KSR1: variants seen among roughly 807,000 people sequenced by gnomAD.
KSR1 encodes kinase suppressor of ras 1.
KSR1 carries 35 observed loss-of-function variants against 92.9 expected under a neutral mutation model. The observed-to-expected ratio is 0.38, with a 90% CI of 0.29 to 0.50. The LOEUF is 0.50. Among genes scored for constraint, KSR1 ranks in the 20% least tolerant of loss-of-function variants. The pLI is 0.94. For synonymous variants in KSR1, 467 were observed against 472.6 expected, an observed-to-expected ratio of 0.99 and a Z score of 0.15; for missense variants, 972 against 1,158.5, an observed-to-expected ratio of 0.84 and a Z score of 2.34.
chr17:27,483,087 T>C (rs946809596), intron 1 of KSR1, among the ~76,000 whole-genome samples: 12 of 152,218 alleles, frequency 7.9e-5, no homozygotes, highest in Admixed American at 2.6e-4. Context: ...TATCTGCTCA[T>C]GTGATGTGGT....
intron 15 of KSR1, 108 bp from the exon 16 acceptor site, chr17:27,609,088 T>C (rs1352634277): frequency 1.6e-6 from 2 of 1,281,074 alleles, no homozygotes; most frequent in Admixed American, 2.3e-5. Flanking sequence ...GACAATATAC[T>C]GCATGGAATT....
chr17:27,620,249 C>G (rs1160488440), intron 19 of KSR1, among the ~76,000 whole-genome samples: 2 of 152,176 alleles, frequency 1.3e-5, no homozygotes, highest in Non-Finnish European at 2.9e-5. Flanking sequence ...GGTAATGGAT[C>G]GTAGCCATAG....
intron 10 of KSR1, among the ~76,000 whole-genome samples, chr17:27,598,095 A>T (rs930057202): frequency 6.6e-6 from 1 of 152,196 alleles, no homozygotes; most frequent in Non-Finnish European, 1.5e-5. Context: ...TCCTGCCCTC[A>T]GCTGCTGGCC....
chr17:27,497,253 G>T (rs1051098647), intron 1 of KSR1, among the ~76,000 whole-genome samples: 3 of 152,206 alleles, frequency 2.0e-5, no homozygotes, highest in African/African-American at 7.2e-5. Context: ...TCCATACAGA[G>T]AAACAGAGGC....
intron 7 of KSR1, among the ~76,000 whole-genome samples, chr17:27,591,124 C>T (rs2073151600): frequency 2.0e-5 from 3 of 152,146 alleles, no homozygotes; most frequent in African/African-American, 7.2e-5. Context: ...GAATTCCAGG[C>T]CATGGGTGCA....
intron 1 of KSR1, among the ~76,000 whole-genome samples, chr17:27,539,470 C>T (rs1052781142): frequency 2.0e-5 from 3 of 152,198 alleles, no homozygotes; most frequent in Non-Finnish European, 2.9e-5. Flanking sequence ...TCCTAGCCCT[C>T]GGTCAGGTGT....
intron 1 of KSR1, among the ~76,000 whole-genome samples, chr17:27,487,731 C>T (rs2068710775): frequency 6.6e-6 from 1 of 152,064 alleles, no homozygotes; most frequent in African/African-American, 2.4e-5. Flanking sequence ...GGAGCATCTG[C>T]TTCACTTCTG....
chr17:27,592,672 T>A, intron 9 of KSR1, 46 bp downstream of exon 9: 1 of 1,514,464 alleles, frequency 6.6e-7, no homozygotes, highest in Non-Finnish European at 9.0e-7. Context: ...CCACTGGCCT[T>A]CCTTCCTATA....
chr17:27,612,532 C>T (rs1476356143), intron 18 of KSR1: 1 of 152,196 alleles, frequency 6.6e-6, no homozygotes, highest in Non-Finnish European at 1.5e-5. Context: ...TTCCCAGGCC[C>T]GATTTGTCAG....
At chr17:27,575,812 A>G (rs1358866211) in intron 2 of KSR1, among the ~76,000 whole-genome samples, 1 of 152,150 alleles carries the variant, frequency 6.6e-6, no homozygotes, top group East Asian at 1.9e-4. Context: ...ATTGCTTCAT[A>G]ACAAATTTAG....
chr17:27,540,947 A>G (rs993091818), intron 1 of KSR1, among the ~76,000 whole-genome samples: 1 of 152,160 alleles, frequency 6.6e-6, no homozygotes, highest in Non-Finnish European at 1.5e-5. Flanking sequence ...CCAGAAATGC[A>G]CTCCAGCTTT....
At chr17:27,506,414 C>T (rs886254887) in intron 1 of KSR1, among the ~76,000 whole-genome samples, 3 of 152,178 alleles carry the variant, frequency 2.0e-5, no homozygotes, top group Non-Finnish European at 2.9e-5. Flanking sequence ...TTTAACAAAG[C>T]GTAGTTTTTA....
intron 1 of KSR1, among the ~76,000 whole-genome samples, chr17:27,495,149 T>C (rs929317064): frequency 1.3e-5 from 2 of 152,148 alleles, no homozygotes; most frequent in African/African-American, 4.8e-5. Context: ...AAATCAGACT[T>C]GATTTTAGCA....
At chr17:27,585,569 G>A (rs2072934370) in intron 4 of KSR1, 88 bp from the exon 5 acceptor site, 1 of 720,882 alleles carries the variant, frequency 1.4e-6, no homozygotes, top group Admixed American at 2.0e-5. Flanking sequence ...CCAGCCCCTT[G>A]CCTGCTCCCG....
At chr17:27,512,925 C>T (rs1031869229) in intron 1 of KSR1, among the ~76,000 whole-genome samples, 1 of 152,184 alleles carries the variant, frequency 6.6e-6, no homozygotes, top group African/African-American at 2.4e-5. Context: ...AGGAACCCTG[C>T]CAGCGCCCCC....
At chr17:27,578,581 A>C (rs1567847294) in intron 3 of KSR1, 2 of 152,282 alleles carry the variant, frequency 1.3e-5, no homozygotes, top group Non-Finnish European at 2.9e-5. Context: ...GTAAGGGCAC[A>C]CAGCAGTTGG....
chr17:27,560,200 T>C, intron 2 of KSR1: 1 of 331,762 alleles, frequency 3.0e-6, no homozygotes, highest in Non-Finnish European at 5.9e-6. Flanking sequence ...ACAAGTTACG[T>C]CTAAAAGTCT....
chr17:27,502,004 A>G (rs2078761612), intron 1 of KSR1, among the ~76,000 whole-genome samples: 2 of 152,260 alleles, frequency 1.3e-5, no homozygotes, highest in African/African-American at 4.8e-5. Flanking sequence ...TGTGCCAGGT[A>G]CTGGGCTTGG....
chr17:27,548,261 A>G (rs1598000055), intron 1 of KSR1, among the ~76,000 whole-genome samples: 1 of 151,904 alleles, frequency 6.6e-6, no homozygotes, highest in Non-Finnish European at 1.5e-5. Context: ...AGATAAAAAA[A>G]GAAATAAATG....
Sources: allele counts gnomAD v4.1 joint callset (sites outside exome capture counted in the v4.1 genomes callset), GRCh38; gene constraint gnomAD v4.1.1; transcripts MANE v1.5; gene names NCBI Gene and HGNC (gene_info 2026-07-23, HGNC 2026-07-21).